ZFP1: variants seen among roughly 807,000 people sequenced by gnomAD.
ZFP1 encodes the protein ZFP1 zinc finger protein, also known as zinc finger protein 1 homolog.
ZFP1 carries 32 observed loss-of-function variants against 38.5 expected under a neutral mutation model. That is an observed-to-expected ratio of 0.83 (90% CI 0.63 to 1.12). The LOEUF is 1.12. Among genes scored for constraint, ZFP1 ranks in the 50% most tolerant of loss-of-function variants. The pLI is 0.00. For missense variants in ZFP1, 616 were observed against 480.8 expected (o/e 1.28, Z -2.63); for synonymous variants, 245 against 168.8 (o/e 1.45, Z -3.50).
At chr16:75,160,140 G>T (rs1359458595) in intron 2 of ZFP1, among the ~76,000 whole-genome samples, 2 of 152,170 alleles carry the variant, frequency 1.3e-5, no homozygotes, top group Non-Finnish European at 2.9e-5. Flanking sequence ...GAATGTTAAG[G>T]CTTCTCTATG....
chr16:75,121,160 T>G, the ZFP1 span, among the ~76,000 whole-genome samples: 1 of 151,938 alleles, frequency 6.6e-6, no homozygotes, highest in East Asian at 1.9e-4. Context: ...TATGATAAAT[T>G]TCTTTTTTGT....
the ZFP1 span, among the ~76,000 whole-genome samples, chr16:75,128,607 G>A: frequency 1.1e-3 from 174 of 152,186 alleles, 3 homozygotes; most frequent in East Asian, 0.03. Flanking sequence ...TCTTGGCAAC[G>A]TGTCTTCAAA....
At chr16:75,162,362 G>A (rs2037832156) in intron 2 of ZFP1, among the ~76,000 whole-genome samples, 1 of 151,878 alleles carries the variant, frequency 6.6e-6, no homozygotes, top group African/African-American at 2.4e-5. Flanking sequence ...GACCTTAAGT[G>A]ATCCACCTGC....
At chr16:75,131,520 T>A in the ZFP1 span, among the ~76,000 whole-genome samples, 1 of 152,112 alleles carries the variant, frequency 6.6e-6, no homozygotes, top group East Asian at 1.9e-4. Flanking sequence ...CCCTCGTTTT[T>A]CTTCCCATCA....
At chr16:75,131,123 G>A in the ZFP1 span, among the ~76,000 whole-genome samples, 8 of 152,150 alleles carry the variant, frequency 5.3e-5, no homozygotes, top group African/African-American at 1.4e-4. Context: ...CTGTGCCCTC[G>A]GTCTGGCATA....
chr16:75,143,562 T>C (rs2036908483), upstream of ZFP1, among the ~76,000 whole-genome samples: 1 of 151,774 alleles, frequency 6.6e-6, no homozygotes, highest in South Asian at 2.1e-4. Flanking sequence ...ATTTTTTATG[T>C]GTGATAATAT....
the ZFP1 span, among the ~76,000 whole-genome samples, chr16:75,140,345 G>C: frequency 6.6e-6 from 1 of 151,822 alleles, no homozygotes; most frequent in African/African-American, 2.4e-5. Flanking sequence ...GAGACAGGAG[G>C]ACCACTTGAG....
At chr16:75,149,448 A>G (rs1275527860) in intron 1 of ZFP1, among the ~76,000 whole-genome samples, 1 of 152,156 alleles carries the variant, frequency 6.6e-6, no homozygotes, top group Non-Finnish European at 1.5e-5. Context: ...TGGTGCAGTC[A>G]CGCTCTGCGT....
intron 2 of ZFP1, among the ~76,000 whole-genome samples, chr16:75,154,112 T>C (rs954799385): frequency 1.3e-5 from 2 of 152,130 alleles, no homozygotes; most frequent in African/African-American, 2.4e-5. Flanking sequence ...TAGTCCCAGC[T>C]ACTCGGGAGG....
chr16:75,132,641 T>A, the ZFP1 span: 2 of 145,126 alleles, frequency 1.4e-5, no homozygotes, highest in African/African-American at 2.6e-5. Context: ...ATTGTCTATT[T>A]CATTTCATTT....
At position 75,170,018 on chromosome 16, in the gene ZFP1, A is replaced by G. The variant is rs2038336713; in HGVS notation, c.908A>G (p.Lys303Arg). ...CCCTATGAGTGTAACGAATGTGCAA[A>G]AACCTTCTTTAAGAAGTCAAACCTT... ...ERPYECNECA[K>R]TFFKKSNLII... The change falls in exon 4 of 4, where the codon AAA becomes AGA. Residue 303 changes from lysine (K) to arginine (R), a missense_variant. Coordinates refer to ENST00000570010, the MANE Select transcript of ZFP1 (RefSeq NM_153688.4). 1 of 1,614,094 alleles carries G rather than the reference A, an allele frequency of 6.2e-7. No individual in the cohort carries two copies. The highest frequency in any genetic ancestry group is 8.5e-7 in the Non-Finnish European group (1 of 1,180,042).
At chr16:75,153,710 A>G (rs2037325257) in intron 2 of ZFP1, among the ~76,000 whole-genome samples, 1 of 152,176 alleles carries the variant, frequency 6.6e-6, no homozygotes, top group Non-Finnish European at 1.5e-5. Context: ...TACTTTAAAG[A>G]CCATAGTTTA....
intron 1 of ZFP1, among the ~76,000 whole-genome samples, chr16:75,152,441 T>C (rs564851205): frequency 1.3e-5 from 2 of 152,346 alleles, no homozygotes; most frequent in Admixed American, 1.3e-4. Flanking sequence ...TACTGAAACT[T>C]TTCTTAGCTC....
intron 2 of ZFP1, among the ~76,000 whole-genome samples, chr16:75,154,808 T>A (rs192040961): frequency 6.6e-6 from 1 of 151,962 alleles, no homozygotes; most frequent in East Asian, 1.9e-4. Context: ...TTAATTTTTA[T>A]TTTTTTTGAG....
At chr16:75,148,000 T>A (rs1453566983), upstream of ZFP1, among the ~76,000 whole-genome samples, 1 of 152,176 alleles carries the variant, frequency 6.6e-6, no homozygotes, top group East Asian at 1.9e-4. Context: ...GATATCAAGT[T>A]GTACATCTTA....
the ZFP1 span, among the ~76,000 whole-genome samples, chr16:75,135,643 G>A: frequency 2.0e-5 from 3 of 152,182 alleles, no homozygotes; most frequent in Non-Finnish European, 4.4e-5. Flanking sequence ...AGGTGTTCAA[G>A]GTGGGAGGGA....
At chr16:75,161,873 C>T (rs967239720) in intron 2 of ZFP1, among the ~76,000 whole-genome samples, 5 of 145,600 alleles carry the variant, frequency 3.4e-5, no homozygotes, top group African/African-American at 1.3e-4. Flanking sequence ...CACCCTCCAC[C>T]TCCCAGGTTC....
the ZFP1 span, among the ~76,000 whole-genome samples, chr16:75,127,508 A>G: frequency 1.3e-5 from 2 of 152,080 alleles, no homozygotes. Flanking sequence ...TTTAGTAGAG[A>G]TGGGGTTTCG....
chr16:75,131,338 G>A, the ZFP1 span, among the ~76,000 whole-genome samples: 1 of 152,092 alleles, frequency 6.6e-6, no homozygotes, highest in East Asian at 1.9e-4. Flanking sequence ...TTCCAGGTAG[G>A]TGAAAGAAAA....
Sources: gnomAD v4.1 joint callset for allele counts (sites outside exome capture counted in the v4.1 genomes callset) on GRCh38, gnomAD v4.1.1 for gene constraint, MANE v1.5 for transcripts, NCBI Gene and HGNC (gene_info 2026-07-23, HGNC 2026-07-21) for gene names.